Variants in CAMK2B observed in about 807,000 individuals in gnomAD.
CAMK2B encodes the protein calcium/calmodulin dependent protein kinase II beta.
CAMK2B carries 27 observed loss-of-function variants against 93.7 expected under a neutral mutation model. That is an observed-to-expected ratio of 0.29 (90% CI 0.21 to 0.40). The LOEUF (loss-of-function observed/expected upper bound fraction) is 0.40. Ranked by LOEUF, CAMK2B falls within the 10% of genes least tolerant of loss-of-function variation. CAMK2B has a pLI of 1.00. For synonymous variants in CAMK2B, 374 were observed against 358.8 expected (o/e 1.04, Z -0.48); for missense variants, 568 against 895.8 (o/e 0.63, Z 4.67).
In CAMK2B at chr7:44,248,567, G is replaced by T. The variant is rs548048312; in HGVS notation, c.342-1375C>A. Among the ~76,000 whole-genome samples the T allele has an allele frequency of 6.6e-6, 1 of 152,338 alleles. No homozygotes were observed. The highest frequency in any genetic ancestry group is 2.1e-4 in the South Asian group (1 of 4,828). ...CGCCCCACTGGGCACGGTCAAGGGAGGGACAGGAAGACCCCCTCAAGACCC... is the reference window on the plus strand; with the variant it reads ...CGCCCCACTGGGCACGGTCAAGGGATGGACAGGAAGACCCCCTCAAGACCC... On this transcript the variant is annotated intron_variant, in intron 5 of 23. Coordinates refer to ENST00000395749, the MANE Select transcript of CAMK2B (RefSeq NM_001220.5). This position sits in a 1 kb window ranked among gnomAD's most constrained non-coding sequence, Gnocchi z 4.1.
intron 11 of CAMK2B, among the ~76,000 whole-genome samples, 198 bp from the exon 12 acceptor site, chr7:44,240,947 T>TAC (rs1012269458): frequency 1.3e-5 from 2 of 152,202 alleles, no homozygotes; most frequent in African/African-American, 4.8e-5. Context: ...TTTCCAGAAC[T>TAC]ACACACACCC....
rs1263098519 is a variant in CAMK2B, at chr7:44,311,444, A to C, written c.65+13913T>G. On this transcript the variant is annotated intron_variant, in intron 1 of 23. Transcript: ENST00000395749. This position sits in a 1 kb window ranked among gnomAD's most constrained non-coding sequence, Gnocchi z 4.2. ...ATCAAATTCTTAACCTCTAGTAACA[A>C]ACAAGAAAAACTCAGAGAAAAGAAT... Among the ~76,000 whole-genome samples the C allele has an allele frequency of 1.3e-5, 2 of 152,224 alleles. No homozygotes were observed. Among genetic ancestry groups the C allele is most frequent in the African/African-American group, 4.8e-5 (2 of 41,448 alleles).
intron 6 of CAMK2B, among the ~76,000 whole-genome samples, chr7:44,244,527 C>G (rs2096712331): frequency 6.6e-6 from 1 of 152,006 alleles, no homozygotes; most frequent in African/African-American, 2.4e-5. Flanking sequence ...TCCCAGGCCA[C>G]CCCTTTGCCC....
At position 44,243,341 on chromosome 7, in the gene CAMK2B, G is replaced by C; in HGVS notation, c.518-8C>G. ...CTGGTGTGCCAGCGAAACCTAGAGA[G>C]AGGGGAAGAGGCCACAAGGGGCTGT... is the stretch of plus-strand genomic sequence containing the variant. On this transcript the variant is annotated splice_polypyrimidine_tract_variant and splice_region_variant and intron_variant, in intron 7 of 23. Transcript: ENST00000395749. 1 of 1,613,750 alleles carries C rather than the reference G, an allele frequency of 6.2e-7. No individual in the cohort carries two copies. Among genetic ancestry groups the C allele is most frequent in the Non-Finnish European group, 8.5e-7 (1 of 1,179,708 alleles).
intron 1 of CAMK2B, among the ~76,000 whole-genome samples, chr7:44,301,152 AG>A (rs1433212817): frequency 6.6e-6 from 1 of 152,170 alleles, no homozygotes; most frequent in Non-Finnish European, 1.5e-5. Context: ...TTTAGGGACA[AG>A]GTCTCACTCT....
chr7:44,272,184 G>T (rs548464969), intron 2 of CAMK2B, among the ~76,000 whole-genome samples: 38 of 152,186 alleles, frequency 2.5e-4, no homozygotes, highest in Non-Finnish European at 5.4e-4. Context: ...CGGGGAATTG[G>T]GGGGGTGGGC....
chr7:44,217,326 C>G lies in CAMK2B; in HGVS notation c.*2199G>C, dbSNP rs2096357063. ...GACCCCTTGCAGCGCTGGCCAGCGG[C>G]CGCCACCACCACACCGCGGACACCT... On this transcript the variant is annotated 3_prime_UTR_variant, in exon 24 of 24. Coordinates refer to ENST00000395749, the MANE Select transcript of CAMK2B (RefSeq NM_001220.5). 1 of 152,408 alleles carries G rather than the reference C, an allele frequency of 6.6e-6. No individual in the cohort carries two copies. The highest frequency in any genetic ancestry group is 2.4e-5 in the African/African-American group (1 of 41,404). The allele number at this position is 152,408 out of a possible 1,614,324, so 9.4% of individuals were successfully genotyped here.
At position 44,286,076 on chromosome 7, in the gene CAMK2B, T is replaced by C. The variant is rs1785008605; in HGVS notation, c.66-1851A>G. Among the ~76,000 whole-genome samples, 2 of 152,130 alleles carry C rather than the reference T, an allele frequency of 1.3e-5. No individual in the cohort carries two copies. The highest frequency in any genetic ancestry group is 1.3e-4 in the Admixed American group (2 of 15,276). On this transcript the variant is annotated intron_variant, in intron 1 of 23. Coordinates refer to ENST00000395749, the MANE Select transcript of CAMK2B (RefSeq NM_001220.5). This position sits in a 1 kb window ranked among gnomAD's most constrained non-coding sequence, Gnocchi z 4.0. ...CAAAGACCATGGGCTTTTTGCCTGG[T>C]CTGGCTTCAATCCTGGTTAGACGGG...
intron 1 of CAMK2B, among the ~76,000 whole-genome samples, chr7:44,300,930 G>A (rs963670113): frequency 1.1e-4 from 17 of 152,016 alleles, no homozygotes; most frequent in African/African-American, 2.2e-4. Flanking sequence ...TATAAAGTAC[G>A]CTCTCAGACT....
chr7:44,297,778 C>A (rs909898156), intron 1 of CAMK2B, among the ~76,000 whole-genome samples: 76 of 152,186 alleles, frequency 5.0e-4, no homozygotes, highest in Non-Finnish European at 1.6e-4. Context: ...TCAAAATAAT[C>A]TTGAAAAAGA....
In CAMK2B at chr7:44,286,755, G is replaced by C. The variant is rs1256147932; in HGVS notation, c.66-2530C>G. Among the ~76,000 whole-genome samples, 1 of 152,236 alleles carries C rather than the reference G, an allele frequency of 6.6e-6. No homozygotes were observed. The highest frequency in any genetic ancestry group is 1.5e-5 in the Non-Finnish European group (1 of 68,038). ...CCTAGGTCGGAGCAGTCAGCAATCG[G>C]GGAAGGCGGGGGCAGGGAACACAGG... On this transcript the variant is annotated intron_variant, in intron 1 of 23. Coordinates refer to ENST00000395749, the MANE Select transcript of CAMK2B (RefSeq NM_001220.5). The surrounding 1 kb of genome is among the most constrained non-coding windows in gnomAD (Gnocchi z 4.0).
intron 2 of CAMK2B, among the ~76,000 whole-genome samples, chr7:44,273,130 A>T (rs2096990724): frequency 6.6e-6 from 1 of 152,140 alleles, no homozygotes; most frequent in Non-Finnish European, 1.5e-5. Flanking sequence ...GCTCCTGCTT[A>T]TGCCTGAGTA....
intron 20 of CAMK2B, among the ~76,000 whole-genome samples, chr7:44,222,361 C>T (rs551950400): frequency 1.0e-3 from 159 of 152,258 alleles, no homozygotes; most frequent in Admixed American, 1.8e-3. Context: ...GGTGACGTTT[C>T]CACTCTTTGC....
rs1793652386 is a variant in CAMK2B, at chr7:44,311,842, G to C, written c.65+13515C>G. Among the ~76,000 whole-genome samples the C allele has an allele frequency of 6.6e-6, 1 of 152,098 alleles. No individual in the cohort carries two copies. The highest frequency in any genetic ancestry group is 1.5e-5 in the Non-Finnish European group (1 of 67,954). On this transcript the variant is annotated intron_variant, in intron 1 of 23. Transcript: ENST00000395749. The surrounding 1 kb of genome is among the most constrained non-coding windows in gnomAD (Gnocchi z 4.2). ...TCTGCCCTACCCCCACTCTGGGCAG[G>C]GAAGGGTGACTGCGTGGCTGGCTCC...
intron 1 of CAMK2B, among the ~76,000 whole-genome samples, chr7:44,303,840 CAAA>C (rs1790748033): frequency 6.6e-6 from 1 of 152,108 alleles, no homozygotes; most frequent in Non-Finnish European, 1.5e-5. Flanking sequence ...AAAATATCTA[CAAA>C]ACACCTATCT....
chr7:44,318,360 T>A (rs968751673), intron 1 of CAMK2B, among the ~76,000 whole-genome samples: 3 of 152,032 alleles, frequency 2.0e-5, no homozygotes, highest in African/African-American at 7.3e-5. Flanking sequence ...ACCCAATACC[T>A]CTTATAAGGC....
In CAMK2B at chr7:44,234,448, C is replaced by T. The variant is rs1335272520; in HGVS notation, c.1073G>A (p.Ser358Asn). 2 of 1,560,288 alleles carry T rather than the reference C, an allele frequency of 1.3e-6. No individual in the cohort carries two copies. Among genetic ancestry groups the T allele is most frequent in the Non-Finnish European group, 1.7e-6 (2 of 1,156,612 alleles). Residue 358 changes from serine to asparagine, a missense_variant, in exon 15 of 24, where the codon AGC becomes AAC. Physicochemically the swap from Ser to Asn is conservative, Grantham distance 46 (BLOSUM62 1). Around this residue, in one of 4 missense-constraint regions of CAMK2B, gnomAD observed 308 missense variants for 292.1 expected, o/e 1.05. Coordinates refer to ENST00000395749, the MANE Select transcript of CAMK2B (RefSeq NM_001220.5). ...KADGVKPQTNSTKNSAAATSP... is the reference protein window; with the variant it reads ...KADGVKPQTNNTKNSAAATSP... ...GGTGGCGGCTGCACTGTTTTTGGTG[C>T]TATTCGTCTGGGGCTGTGGAGAGAG...
chr7:44,238,200 C>A (rs1459702138), intron 13 of CAMK2B, among the ~76,000 whole-genome samples: 7 of 152,234 alleles, frequency 4.6e-5, no homozygotes, highest in Non-Finnish European at 7.3e-5. Flanking sequence ...CCAGGACAGC[C>A]ATGCTGGGCT....
intron 1 of CAMK2B, chr7:44,324,877 C>A (rs1797073923): frequency 6.6e-6 from 1 of 152,172 alleles, no homozygotes; most frequent in African/African-American, 2.4e-5. Flanking sequence ...CAGGAGCAGG[C>A]GCAAGCAGGT....
Sources: gnomAD v4.1 joint callset for allele counts (sites outside exome capture counted in the v4.1 genomes callset) on GRCh38, gnomAD v4.1.1 for gene constraint, gnomAD v4.1.1 regional missense constraint, Gnocchi (gnomAD v3.1) non-coding constraint, MANE v1.5 for transcripts, NCBI Gene and HGNC (gene_info 2026-07-23, HGNC 2026-07-21) for gene names.